Variants in AOPEP observed in about 807,000 individuals in gnomAD.
AOPEP encodes aminopeptidase O (putative).
AOPEP carries 77 observed loss-of-function variants against 98.1 expected under a neutral mutation model. The ratio of observed to expected loss-of-function variants is 0.78; its 90% CI spans 0.65 to 0.95. The LOEUF is 0.95. Ranked by LOEUF, AOPEP falls within the 40% of genes least tolerant of loss-of-function variation. The pLI is 0.00. For missense variants in AOPEP, 1,024 were observed against 1,024.7 expected, an observed-to-expected ratio of 1.00 and a Z score of 0.01; for synonymous variants, 346 against 365.3, an observed-to-expected ratio of 0.95 and a Z score of 0.60.
At chr9:95,064,022 TC>T (rs1262028599) in intron 14 of AOPEP, among the ~76,000 whole-genome samples, 2 of 152,194 alleles carry the variant, frequency 1.3e-5, no homozygotes, top group Non-Finnish European at 2.9e-5. Flanking sequence ...AGCTATACTC[TC>T]CCAAAGTGCC....
intron 13 of AOPEP, among the ~76,000 whole-genome samples, chr9:95,027,235 G>A (rs2063915550): frequency 6.6e-6 from 1 of 152,126 alleles, no homozygotes. Context: ...ATACCCCAGT[G>A]TGGGTGACAG....
At chr9:94,841,735 T>A (rs745711742) in intron 5 of AOPEP, among the ~76,000 whole-genome samples, 1 of 152,234 alleles carries the variant, frequency 6.6e-6, no homozygotes, top group Admixed American at 6.5e-5. Context: ...TCTTGGTGAA[T>A]GTTCCATGTG....
Position 94,975,437 on chromosome 9 carries a change from C to G in AOPEP, c.1917-3930C>G, listed in dbSNP as rs141909303. Among the ~76,000 whole-genome samples the G allele has an allele frequency of 4.6e-5, 7 of 152,268 alleles. No homozygotes were observed. The East Asian group carries it at 7.7e-4, about 17-fold the overall frequency. ...TTTTAGTGCCACGGTAGAATAGTGT[C>G]TGTGTGTGCAAGTACTAACTATGTT... On this transcript the variant is annotated intron_variant, in intron 10 of 16. Transcript: ENST00000375315.
At chr9:94,955,144 A>G (rs1404052938) in intron 7 of AOPEP, 33 bp from the exon 8 acceptor site, 3 of 1,250,420 alleles carry the variant, frequency 2.4e-6, no homozygotes, top group African/African-American at 1.5e-5. Flanking sequence ...AGAATGTGCT[A>G]TACTTAAATA....
intron 4 of AOPEP, among the ~76,000 whole-genome samples, 189 bp downstream of exon 4, chr9:94,793,107 T>C (rs1846096321): frequency 6.6e-6 from 1 of 152,208 alleles, no homozygotes; most frequent in South Asian, 2.1e-4. Context: ...GGCTCACGCC[T>C]GTAATCCCAA....
chr9:94,750,490 C>T (rs1449896925), intron 1 of AOPEP, among the ~76,000 whole-genome samples: 4 of 151,962 alleles, frequency 2.6e-5, no homozygotes, highest in Admixed American at 2.0e-4. Context: ...GAGGCTGAGG[C>T]AGGAGAATCA....
chr9:94,920,931 C>T (rs1383044459), intron 5 of AOPEP, among the ~76,000 whole-genome samples: 2 of 152,138 alleles, frequency 1.3e-5, no homozygotes, highest in African/African-American at 4.8e-5. Context: ...CTGCCTGCCA[C>T]CTCCTTTTCC....
At position 95,080,992 on chromosome 9, in the gene AOPEP, A is replaced by G. The variant is rs751457554; in HGVS notation, c.2319+212A>G. On this transcript the variant is annotated intron_variant, in intron 15 of 16. Transcript: ENST00000375315. ...TGAAGGATTGAGTTGAGCACCTTCA[A>G]TGCCGCCTTGTGGCCCACACGTCAT... The G allele has an allele frequency of 7.9e-5, 44 of 559,002 alleles. 1 individual carries two copies. Among genetic ancestry groups the G allele is most frequent in the Admixed American group, 7.2e-4 (23 of 32,008 alleles). 34.6% of individuals were successfully genotyped at this position (559,002 alleles called of 1,614,324 possible).
chr9:94,852,421 C>T (rs1348758434), intron 5 of AOPEP, among the ~76,000 whole-genome samples: 1 of 152,108 alleles, frequency 6.6e-6, no homozygotes, highest in African/African-American at 2.4e-5. Context: ...TTTGCATAGA[C>T]CAGGGTGGGA....
chr9:94,735,519 C>G (rs1391389041), intron 1 of AOPEP, among the ~76,000 whole-genome samples: 2 of 152,176 alleles, frequency 1.3e-5, no homozygotes, highest in Non-Finnish European at 2.9e-5. Flanking sequence ...CGCGCCCGGC[C>G]AAGAATCTGC....
intron 2 of AOPEP, among the ~76,000 whole-genome samples, chr9:94,761,909 A>G (rs1838392792): frequency 6.6e-6 from 1 of 152,294 alleles, no homozygotes; most frequent in Middle Eastern, 3.4e-3. Flanking sequence ...GAATTTCAAT[A>G]CAATATAACA....
the AOPEP span, among the ~76,000 whole-genome samples, chr9:95,137,304 G>A: frequency 1.3e-5 from 2 of 152,198 alleles, no homozygotes; most frequent in African/African-American, 4.8e-5. Flanking sequence ...AGGGTTGACC[G>A]TGGGGCAAGA....
At chr9:95,130,299 T>TGAGA in the AOPEP span, among the ~76,000 whole-genome samples, 285 of 149,268 alleles carry the variant, frequency 1.9e-3, no homozygotes, top group Admixed American at 3.7e-3. Context: ...TGTGTGTGTG[T>TGAGA]GAGAGAGAGA....
At chr9:94,831,489 A>G (rs1170274564) in intron 5 of AOPEP, among the ~76,000 whole-genome samples, 2 of 152,134 alleles carry the variant, frequency 1.3e-5, no homozygotes, top group Non-Finnish European at 2.9e-5. Context: ...GGGTAGTGGG[A>G]TGCTCCCAGC....
At chr9:94,861,830 T>C (rs1483595320) in intron 5 of AOPEP, among the ~76,000 whole-genome samples, 1 of 152,238 alleles carries the variant, frequency 6.6e-6, no homozygotes, top group Non-Finnish European at 1.5e-5. Context: ...GGTCGGGTCC[T>C]CCGTGCTTCT....
chr9:95,045,384 G>A (rs2065761311), intron 13 of AOPEP, among the ~76,000 whole-genome samples: 1 of 152,244 alleles, frequency 6.6e-6, no homozygotes, highest in Non-Finnish European at 1.5e-5. Flanking sequence ...TGCGGACAGG[G>A]GTCGGTGAGA....
intron 13 of AOPEP, among the ~76,000 whole-genome samples, chr9:95,029,877 G>T (rs2064148141): frequency 6.6e-6 from 1 of 152,164 alleles, no homozygotes; most frequent in Non-Finnish European, 1.5e-5. Context: ...GGTGTGCCCA[G>T]CACTCCTAAG....
chr9:95,098,017 A>G, the AOPEP span, among the ~76,000 whole-genome samples: 4 of 152,150 alleles, frequency 2.6e-5, no homozygotes, highest in Non-Finnish European at 5.9e-5. Context: ...GGCTGGAAAC[A>G]GAGGAAGAAA....
chr9:95,037,727 G>A (rs1418319482), intron 13 of AOPEP, among the ~76,000 whole-genome samples: 1 of 152,184 alleles, frequency 6.6e-6, no homozygotes. Flanking sequence ...TCTGTCTGTG[G>A]GCCTTCAGCT....
Sources: gnomAD v4.1 joint callset for allele counts (sites outside exome capture counted in the v4.1 genomes callset) on GRCh38, gnomAD v4.1.1 for gene constraint, MANE v1.5 for transcripts, NCBI Gene and HGNC (gene_info 2026-07-23, HGNC 2026-07-21) for gene names.